Variants in ZNF429 observed in about 807,000 individuals in gnomAD.
ZNF429 encodes zinc finger protein 429.
Under a neutral mutation model 56.8 loss-of-function variants are expected in ZNF429, and 53 were observed. That is an observed-to-expected ratio of 0.93 (90% CI 0.75 to 1.17). The LOEUF (loss-of-function observed/expected upper bound fraction) is 1.17. Among genes scored for constraint, ZNF429 ranks in the 50% most tolerant of loss-of-function variants. ZNF429 has a pLI of 0.00. For missense variants in ZNF429, 849 were observed against 788.4 expected, an observed-to-expected ratio of 1.08 and a Z score of -0.92; for synonymous variants, 278 against 264.7, an observed-to-expected ratio of 1.05 and a Z score of -0.49.
chr19:21,536,597 T>C lies in ZNF429; in HGVS notation c.544T>C (p.Phe182Leu). The C allele has an allele frequency of 6.2e-7, 1 of 1,613,832 alleles. No homozygotes were observed. The highest frequency in any genetic ancestry group is 1.1e-5 in the South Asian group (1 of 91,070). Residue 182 changes from phenylalanine to leucine, a missense_variant, in exon 4 of 4, where the codon TTT becomes CTT. By Grantham distance (22) the Phe-to-Leu change is conservative. Transcript: ENST00000358491. ...CCAGTGTAAAAAATGTGGCAAATCA[T>C]TTTGCATGCTTTCACAACTAACTCA... Reference protein sequence around the residue: ...PFQCKKCGKSFCMLSQLTQHK... With the variant: ...PFQCKKCGKSLCMLSQLTQHK...
At chr19:21,535,608 G>A in intron 3 of ZNF429, among the ~76,000 whole-genome samples, 132 of 150,940 alleles carry the variant, frequency 8.7e-4, no homozygotes, top group South Asian at 6.3e-4. Flanking sequence ...TCCACTTTCT[G>A]GGTTCAAGTG....
chr19:21,513,973 C>A (rs770256741), intron 1 of ZNF429, among the ~76,000 whole-genome samples: 11 of 152,072 alleles, frequency 7.2e-5, no homozygotes, highest in Non-Finnish European at 1.6e-4. Context: ...ACAAAAGTGT[C>A]TACAAGTCTC....
chr19:21,507,023 C>T (rs8100193), intron 1 of ZNF429, among the ~76,000 whole-genome samples: 28,277 of 151,996 alleles, frequency 0.19, 2,675 homozygotes, highest in Middle Eastern at 0.22. Flanking sequence ...CCATCTCGGC[C>T]TCCCAAAGTG....
At chr19:21,533,729 C>T in intron 3 of ZNF429, among the ~76,000 whole-genome samples, 2 of 144,756 alleles carry the variant, frequency 1.4e-5, no homozygotes, top group Admixed American at 1.4e-4. Context: ...AGTCTCAGCT[C>T]ACTGCAACCT....
At chr19:21,531,991 C>T in intron 3 of ZNF429, among the ~76,000 whole-genome samples, 1 of 147,076 alleles carries the variant, frequency 6.8e-6, no homozygotes, top group African/African-American at 2.5e-5. Flanking sequence ...GTTCCATACA[C>T]TTAAACTATC....
At chr19:21,511,788 T>C in intron 1 of ZNF429, among the ~76,000 whole-genome samples, 1 of 152,064 alleles carries the variant, frequency 6.6e-6, no homozygotes, top group Non-Finnish European at 1.5e-5. Context: ...CTGGGCACCA[T>C]TGAACACTGA....
In ZNF429 at chr19:21,537,657, A is replaced by G; in HGVS notation, c.1604A>G (p.Lys535Arg). Residue 535 changes from lysine (K) to arginine (R), a missense_variant, in exon 4 of 4, where the codon AAA becomes AGA. Physicochemically the swap from Lys to Arg is conservative, Grantham distance 26 (BLOSUM62 2). Coordinates refer to ENST00000358491, the MANE Select transcript of ZNF429 (RefSeq NM_001001415.4). Reference sequence around the variant, plus strand: ...CATAAGAAAATTCATACTGGAGAGAAACCTTACAAATGTGAAGAATGTGGC... The same window carrying G: ...CATAAGAAAATTCATACTGGAGAGAGACCTTACAAATGTGAAGAATGTGGC... The part of the protein sequence containing the change: ...TQHKKIHTGE[K>R]PYKCEECGKA... 6.2e-7 allele frequency: 1 copy of G among 1,613,586 alleles called. No homozygotes were observed. Among genetic ancestry groups the G allele is most frequent in the Non-Finnish European group, 8.5e-7 (1 of 1,179,812 alleles).
chr19:21,510,787 C>A (rs1025197695), intron 1 of ZNF429, among the ~76,000 whole-genome samples: 1 of 151,748 alleles, frequency 6.6e-6, no homozygotes, highest in Non-Finnish European at 1.5e-5. Flanking sequence ...TGACTCTTAA[C>A]GAGCATGCTG....
chr19:21,531,737 C>T, intron 3 of ZNF429, among the ~76,000 whole-genome samples: 4 of 150,568 alleles, frequency 2.7e-5, no homozygotes, highest in Non-Finnish European at 4.4e-5. Flanking sequence ...ACCTAGGAGG[C>T]GGAGGTTGCA....
chr19:21,515,959 A>T (rs2032717512), intron 1 of ZNF429, among the ~76,000 whole-genome samples: 1 of 152,096 alleles, frequency 6.6e-6, no homozygotes, highest in Non-Finnish European at 1.5e-5. Context: ...CTTTTGTACC[A>T]GTACCATGCT....
At position 21,539,460 on chromosome 19, in the gene ZNF429, TG is replaced by T. The variant is rs2033844543; in HGVS notation, c.*1383del. Among the ~76,000 whole-genome samples, 1 of 152,182 alleles carries T rather than the reference TG, an allele frequency of 6.6e-6. No homozygotes were observed. The highest frequency in any genetic ancestry group is 2.1e-4 in the South Asian group (1 of 4,826). ...TTTTTGAGATGGAGTCTCACTTTGT[TG>T]CCTACGTTGGAGTTCAGTGGCACAA... On this transcript the variant is annotated 3_prime_UTR_variant, in exon 4 of 4. Coordinates refer to ENST00000358491, the MANE Select transcript of ZNF429 (RefSeq NM_001001415.4).
intron 1 of ZNF429, among the ~76,000 whole-genome samples, chr19:21,513,969 G>A (rs1311297652): frequency 1.3e-5 from 2 of 151,970 alleles, no homozygotes; most frequent in South Asian, 2.1e-4. Flanking sequence ...ATGCACAAAA[G>A]TGTCTACAAG....
At chr19:21,523,507 T>C (rs2033056705) in intron 1 of ZNF429, among the ~76,000 whole-genome samples, 1 of 152,240 alleles carries the variant, frequency 6.6e-6, no homozygotes, top group African/African-American at 2.4e-5. Flanking sequence ...CCAGTGGCTA[T>C]AAATTAAACT....
At chr19:21,519,944 C>G (rs1384519210) in intron 1 of ZNF429, among the ~76,000 whole-genome samples, 1 of 151,688 alleles carries the variant, frequency 6.6e-6, no homozygotes, top group Non-Finnish European at 1.5e-5. Context: ...TCACTGCAAC[C>G]TCCTGGGTTC....
At chr19:21,528,733 C>T (rs1227336271) in intron 1 of ZNF429, among the ~76,000 whole-genome samples, 1 of 151,986 alleles carries the variant, frequency 6.6e-6, no homozygotes, top group African/African-American at 2.4e-5. Flanking sequence ...ATTACAGAAC[C>T]CATGAGTCAT....
At chr19:21,517,763 T>C (rs1011851837) in intron 1 of ZNF429, among the ~76,000 whole-genome samples, 37 of 151,890 alleles carry the variant, frequency 2.4e-4, no homozygotes, top group African/African-American at 7.7e-4. Context: ...TGTATTTTTG[T>C]GGGGTCAGTA....
At chr19:21,529,526 G>T in intron 1 of ZNF429, 132 bp from the exon 2 acceptor site, 1 of 1,212,508 alleles carries the variant, frequency 8.2e-7, no homozygotes, top group Non-Finnish European at 1.0e-6. Flanking sequence ...TCAGTCACTT[G>T]TATAAGTCAG....
chr19:21,508,243 G>GAA (rs112400992), intron 1 of ZNF429, among the ~76,000 whole-genome samples: 5 of 127,548 alleles, frequency 3.9e-5, no homozygotes, highest in African/African-American at 1.1e-4. Flanking sequence ...AACTCCATCT[G>GAA]AAAAAAAAAA....
chr19:21,521,888 C>T (rs1001484473), intron 1 of ZNF429: 1 of 152,262 alleles, frequency 6.6e-6, no homozygotes, highest in Non-Finnish European at 1.5e-5. Flanking sequence ...ACAGGATCTC[C>T]TCATGCAGCT....
Sources: allele counts gnomAD v4.1 joint callset (sites outside exome capture counted in the v4.1 genomes callset), GRCh38; gene constraint gnomAD v4.1.1; transcripts MANE v1.5; gene names NCBI Gene and HGNC (gene_info 2026-07-23, HGNC 2026-07-21).